The following MAU2 variants were observed in gnomAD, a reference collection of about 807,000 sequenced individuals.
MAU2 encodes the protein MAU2 chromatid cohesion factor homolog.
Under a neutral mutation model 89.1 loss-of-function variants are expected in MAU2, and 9 were observed. The ratio of observed to expected loss-of-function variants is 0.10; its 90% CI spans 0.06 to 0.18. MAU2 has a LOEUF of 0.18. Among genes scored for constraint, MAU2 ranks in the 10% least tolerant of loss-of-function variants. MAU2 has a pLI of 1.00. For synonymous variants in MAU2, 357 were observed against 343.4 expected, an observed-to-expected ratio of 1.04 and a Z score of -0.44; for missense variants, 425 against 803.5, an observed-to-expected ratio of 0.53 and a Z score of 5.69.
intron 5 of MAU2, chr19:19,339,731 A>G (rs905918282): frequency 6.6e-6 from 1 of 152,062 alleles, no homozygotes; most frequent in South Asian, 2.1e-4. Context: ...CATGTAAGAA[A>G]AATAAATACA....
chr19:19,328,938 A>G, intron 1 of MAU2: 1 of 416,700 alleles, frequency 2.4e-6, no homozygotes, highest in Non-Finnish European at 4.8e-6. Flanking sequence ...TGTCAATGCC[A>G]TGCGTGCTTT....
chr19:19,352,756 G>C (rs2061755558), intron 16 of MAU2: 2 of 152,256 alleles, frequency 1.3e-5, no homozygotes, highest in African/African-American at 2.4e-5. Flanking sequence ...CCATGTTTTA[G>C]GTGTTGTGGG....
chr19:19,335,096 T>A (rs1302177998), intron 1 of MAU2, among the ~76,000 whole-genome samples: 6 of 152,190 alleles, frequency 3.9e-5, no homozygotes, highest in Admixed American at 3.9e-4. Context: ...GTCCCTGAGT[T>A]GGAGCCTGTT....
intron 16 of MAU2, chr19:19,352,149 A>G (rs1008444320): frequency 6.7e-6 from 1 of 148,398 alleles, no homozygotes; most frequent in African/African-American, 2.5e-5. Context: ...GGGTAATTTT[A>G]TATTTGCCTT....
intron 10 of MAU2, chr19:19,344,408 T>C: frequency 4.6e-6 from 1 of 218,662 alleles, no homozygotes. Context: ...TGAGACTCCA[T>C]CTCAAAAAAA....
At chr19:19,333,100 C>G (rs1211940942) in intron 1 of MAU2, among the ~76,000 whole-genome samples, 1 of 151,166 alleles carries the variant, frequency 6.6e-6, no homozygotes, top group Non-Finnish European at 1.5e-5. Flanking sequence ...GAAGAGATGT[C>G]CATGGGGTCA....
intron 16 of MAU2, among the ~76,000 whole-genome samples, chr19:19,350,948 TG>T (rs2061739107): frequency 6.6e-6 from 1 of 151,742 alleles, no homozygotes; most frequent in South Asian, 2.1e-4. Context: ...GCTCATTGCT[TG>T]TATCCCTTTG....
intron 18 of MAU2, 105 bp from the exon 19 acceptor site, chr19:19,355,603 C>A: frequency 8.0e-7 from 1 of 1,245,568 alleles, no homozygotes; most frequent in Non-Finnish European, 1.1e-6. Flanking sequence ...GCATGGAGAA[C>A]AGAGTCCCGG....
chr19:19,341,888 T>C (rs2061651189), intron 7 of MAU2, among the ~76,000 whole-genome samples: 1 of 152,160 alleles, frequency 6.6e-6, no homozygotes, highest in African/African-American at 2.4e-5. Context: ...GTCTCTGTGC[T>C]TGTGTGACAG....
chr19:19,346,100 C>A (rs2146696941), intron 12 of MAU2, among the ~76,000 whole-genome samples: 1 of 152,276 alleles, frequency 6.6e-6, no homozygotes, highest in Admixed American at 6.5e-5. Flanking sequence ...GACAGGGTTC[C>A]CATTCCACGG....
intron 4 of MAU2, 88 bp from the exon 5 acceptor site, chr19:19,338,757 T>C (rs2061616679): frequency 1.1e-6 from 1 of 912,264 alleles, no homozygotes. Context: ...TGGGGAGGTT[T>C]GGTTGAGTTT....
chr19:19,344,765 C>T, intron 10 of MAU2, 84 bp from the exon 11 acceptor site: 1 of 1,126,650 alleles, frequency 8.9e-7, no homozygotes, highest in Non-Finnish European at 1.3e-6. Context: ...GGCTCACCCA[C>T]CAGCTATGGG....
chr19:19,323,281 GTC>G (rs2061477937), intron 1 of MAU2, among the ~76,000 whole-genome samples: 1 of 151,082 alleles, frequency 6.6e-6, no homozygotes. Context: ...TGCAACTTCC[GTC>G]TCGTGGGTTC....
In MAU2 at chr19:19,345,102, A is replaced by G; in HGVS notation, c.1155+176A>G. The G allele has an allele frequency of 2.7e-6, 2 of 728,198 alleles. No homozygotes were observed. The highest frequency in any genetic ancestry group is 4.7e-6 in the Non-Finnish European group (2 of 427,142). 45.1% of individuals were successfully genotyped at this position (728,198 alleles called of 1,614,324 possible). Reference sequence around the variant, plus strand: ...CCCAGGCACGATCCGGAATGCTCCCAGTGAGCATCTTGTCCCACCCCACAT... The same window carrying G: ...CCCAGGCACGATCCGGAATGCTCCCGGTGAGCATCTTGTCCCACCCCACAT... On this transcript the variant is annotated intron_variant, in intron 11 of 18. Coordinates refer to ENST00000262815, the MANE Select transcript of MAU2 (RefSeq NM_015329.4). This position sits in a 1 kb window ranked among gnomAD's most constrained non-coding sequence, Gnocchi z 4.9.
chr19:19,340,953 C>A, intron 6 of MAU2, 80 bp downstream of exon 6: 1 of 1,572,868 alleles, frequency 6.4e-7, no homozygotes, highest in Non-Finnish European at 8.7e-7. Context: ...TGCTCAGACC[C>A]CACCCACTCT....
intron 12 of MAU2, among the ~76,000 whole-genome samples, chr19:19,346,088 T>TG (rs1171764612): frequency 6.6e-6 from 1 of 152,110 alleles, no homozygotes; most frequent in Non-Finnish European, 1.5e-5. Flanking sequence ...CCCTGACTGT[T>TG]GGACAGGGTT....
At chr19:19,342,966 G>C in intron 9 of MAU2, 100 bp downstream of exon 9, 4 of 1,235,758 alleles carry the variant, frequency 3.2e-6, no homozygotes, top group Non-Finnish European at 4.7e-6. Flanking sequence ...CTGTGTGACC[G>C]CAGCGCCCAG....
chr19:19,330,912 CT>C (rs1190387517), intron 1 of MAU2, among the ~76,000 whole-genome samples: 1 of 151,962 alleles, frequency 6.6e-6, no homozygotes, highest in Non-Finnish European at 1.5e-5. Context: ...CAAAAAAAGC[CT>C]TTTTTTTAAA....
At chr19:19,338,784 G>A (rs1464002832) in intron 4 of MAU2, 61 bp from the exon 5 acceptor site, 41 of 1,279,366 alleles carry the variant, frequency 3.2e-5, no homozygotes, top group Admixed American at 4.2e-5. Flanking sequence ...AGAGCACGAA[G>A]GCAGGTACCG....
Sources: gnomAD v4.1 joint callset for allele counts (sites outside exome capture counted in the v4.1 genomes callset) on GRCh38, gnomAD v4.1.1 for gene constraint, Gnocchi (gnomAD v3.1) non-coding constraint, MANE v1.5 for transcripts, NCBI Gene and HGNC (gene_info 2026-07-23, HGNC 2026-07-21) for gene names.